Variants in IGSF21 observed in about 807,000 individuals in gnomAD.
The protein encoded by IGSF21 is immunoglobulin superfamily member 21.
IGSF21 carries 28 observed loss-of-function variants against 46.8 expected under a neutral mutation model. The observed-to-expected ratio is 0.60, with a 90% CI of 0.44 to 0.82. IGSF21 has a LOEUF of 0.82. IGSF21 is among the 40% of genes least tolerant of loss of function. IGSF21 has a pLI of 0.00. For missense variants in IGSF21, 624 were observed against 665.5 expected, an observed-to-expected ratio of 0.94 and a Z score of 0.69; for synonymous variants, 284 against 273.6, an observed-to-expected ratio of 1.04 and a Z score of -0.38.
chr1:18,132,227 CTGACCTATGACCTA>C (rs571502316), intron 1 of IGSF21, among the ~76,000 whole-genome samples: 3 of 152,090 alleles, frequency 2.0e-5, no homozygotes, highest in Admixed American at 6.5e-5. Flanking sequence ...CCAAACCACA[CTGACCTATGACCTA>C]TGACCTATGA....
chr1:18,275,340 A>G (rs2085089924), intron 2 of IGSF21, among the ~76,000 whole-genome samples: 1 of 152,140 alleles, frequency 6.6e-6, no homozygotes, highest in Non-Finnish European at 1.5e-5. Flanking sequence ...CAGAAAGACC[A>G]GCCTCGGATC....
At chr1:18,359,378 G>GAAAGAA (rs1557659596) in intron 4 of IGSF21, among the ~76,000 whole-genome samples, 1 of 100,558 alleles carries the variant, frequency 9.9e-6, no homozygotes, top group African/African-American at 4.2e-5. Flanking sequence ...AAGAAAGAAA[G>GAAAGAA]AAAGAAAGGA....
At chr1:18,120,040 GT>G (rs1214584238) in intron 1 of IGSF21, among the ~76,000 whole-genome samples, 2 of 152,226 alleles carry the variant, frequency 1.3e-5, no homozygotes, top group Non-Finnish European at 2.9e-5. Context: ...CCATTTCTAT[GT>G]TCTGTGATCC....
chr1:18,378,217 G>A (rs1242394776), intron 9 of IGSF21, 39 bp from the exon 10 acceptor site: 1 of 1,573,756 alleles, frequency 6.4e-7, no homozygotes, highest in Non-Finnish European at 8.7e-7. Context: ...ACGGGGTTGG[G>A]TCTGCAGGCT....
intron 2 of IGSF21, among the ~76,000 whole-genome samples, chr1:18,257,646 C>G (rs906485156): frequency 6.6e-6 from 1 of 152,142 alleles, no homozygotes; most frequent in Non-Finnish European, 1.5e-5. Flanking sequence ...GGCAAAGGCA[C>G]CGAGCTACAG....
chr1:18,372,016 G>C lies in IGSF21; in HGVS notation c.1016-4294G>C, dbSNP rs542986511. Among the ~76,000 whole-genome samples, 36 of 152,278 alleles carry C rather than the reference G, an allele frequency of 2.4e-4. No homozygotes were observed. The South Asian group carries it at 4.6e-3, about 19-fold the overall frequency. On this transcript the variant is annotated intron_variant, in intron 6 of 9. Transcript: ENST00000251296. ...CATATTGGGAAATGCAGGTCCTTCA[G>C]TGCACAATTTGACAGATTTTAATAA... is the stretch of plus-strand genomic sequence containing the variant.
rs1004372844 is a variant in IGSF21 at position 18,210,747 on chromosome 1, G to A, written c.71-17151G>A. Among the ~76,000 whole-genome samples the A allele has an allele frequency of 1.4e-4, 21 of 152,122 alleles. 1 individual carries two copies. The highest frequency in any genetic ancestry group is 4.8e-4 in the African/African-American group (20 of 41,432). On this transcript the variant is annotated intron_variant, in intron 1 of 9. Transcript: ENST00000251296. ...TTCCTGCACACCAGATGCCAGTAGC[G>A]CAGCCCCCCTCCAGTTGTGATAGCA...
At chr1:18,251,034 G>C (rs1388350207) in intron 2 of IGSF21, among the ~76,000 whole-genome samples, 2 of 152,152 alleles carry the variant, frequency 1.3e-5, no homozygotes, top group Non-Finnish European at 2.9e-5. Flanking sequence ...GCCAAGCAAA[G>C]ACCTGAGGGA....
At chr1:18,231,890 G>A (rs1433845254) in intron 2 of IGSF21, among the ~76,000 whole-genome samples, 1 of 146,746 alleles carries the variant, frequency 6.8e-6, no homozygotes, top group African/African-American at 2.5e-5. Context: ...TTAGTAAGAT[G>A]GATCTCATTT....
At chr1:18,269,736 G>T (rs1049549442) in intron 2 of IGSF21, among the ~76,000 whole-genome samples, 1 of 152,158 alleles carries the variant, frequency 6.6e-6, no homozygotes, top group African/African-American at 2.4e-5. Context: ...GCAGCAAGGT[G>T]AGCCCTTTCT....
At chr1:18,179,251 G>T (rs1422061449) in intron 1 of IGSF21, 1 of 152,104 alleles carries the variant, frequency 6.6e-6, no homozygotes, top group African/African-American at 2.4e-5. Flanking sequence ...ACAGGTGCTC[G>T]TTTGAGCTCC....
chr1:18,206,377 T>G (rs1042019560), intron 1 of IGSF21, among the ~76,000 whole-genome samples: 3 of 151,736 alleles, frequency 2.0e-5, no homozygotes. Context: ...AATGACACCC[T>G]CATCTCTACA....
chr1:18,302,914 C>A (rs1157821345), intron 3 of IGSF21, among the ~76,000 whole-genome samples: 1 of 152,174 alleles, frequency 6.6e-6, no homozygotes, highest in African/African-American at 2.4e-5. Flanking sequence ...TGACCTTGGA[C>A]CCACAAGGAG....
chr1:18,125,669 T>C (rs2124411757), intron 1 of IGSF21, among the ~76,000 whole-genome samples: 1 of 152,360 alleles, frequency 6.6e-6, no homozygotes, highest in Middle Eastern at 3.4e-3. Context: ...GCACTGGCGA[T>C]ACAGTGGTGA....
chr1:18,175,459 A>G (rs190953469), intron 1 of IGSF21, among the ~76,000 whole-genome samples: 65 of 152,310 alleles, frequency 4.3e-4, no homozygotes, highest in Non-Finnish European at 7.5e-4. Flanking sequence ...AAGGATTCAG[A>G]GGAAGATGCC....
chr1:18,378,392 A>G lies in IGSF21; in HGVS notation c.*66A>G, dbSNP rs2086308806. ...CACGACCGGTTTTCATTTCTTTTCT[A>G]AACTATTTCCAGTCTTGTTCTTAGT... On this transcript the variant is annotated 3_prime_UTR_variant, in exon 10 of 10. Coordinates refer to ENST00000251296, the MANE Select transcript of IGSF21 (RefSeq NM_032880.5). 6 of 1,313,726 alleles carry G rather than the reference A, an allele frequency of 4.6e-6. No homozygotes were observed. Among genetic ancestry groups the G allele is most frequent in the Non-Finnish European group, 5.4e-6 (5 of 923,898 alleles). The allele number at this position is 1,313,726 out of a possible 1,614,324, so 81.4% of individuals were successfully genotyped here. A position where few individuals can be genotyped will look rare whatever the true frequency, so the allele number is the denominator to read the frequency against.
intron 2 of IGSF21, among the ~76,000 whole-genome samples, chr1:18,284,431 T>C (rs2085192950): frequency 6.6e-6 from 1 of 152,220 alleles, no homozygotes; most frequent in Non-Finnish European, 1.5e-5. Flanking sequence ...GGCAGAAGTT[T>C]CTAGATTTGC....
intron 2 of IGSF21, among the ~76,000 whole-genome samples, chr1:18,287,129 C>T (rs1412036474): frequency 4.4e-5 from 6 of 136,380 alleles, no homozygotes; most frequent in South Asian, 5.0e-4. Flanking sequence ...TGCAGTGAGC[C>T]GAGATCGCGC....
intron 4 of IGSF21, among the ~76,000 whole-genome samples, chr1:18,350,370 G>A (rs1043330848): frequency 6.6e-6 from 1 of 152,158 alleles, no homozygotes. Flanking sequence ...CAAGGGAAGA[G>A]GCCTCAGGCA....
Sources: gnomAD v4.1 joint callset for allele counts (sites outside exome capture counted in the v4.1 genomes callset) on GRCh38, gnomAD v4.1.1 for gene constraint, MANE v1.5 for transcripts, NCBI Gene and HGNC (gene_info 2026-07-23, HGNC 2026-07-21) for gene names.